POFUT3: variants seen among roughly 807,000 people sequenced by gnomAD.
The protein encoded by POFUT3 is GDP-fucose protein O-fucosyltransferase 3.
chr8:33,404,375 G>T, the POFUT3 span, among the ~76,000 whole-genome samples: 1 of 151,334 alleles, frequency 6.6e-6, no homozygotes, highest in Non-Finnish European at 1.5e-5. Flanking sequence ...GAAAATTCGG[G>T]TTCTCAGAGA....
the POFUT3 span, among the ~76,000 whole-genome samples, chr8:33,373,267 T>C: frequency 2.0e-5 from 3 of 152,374 alleles, no homozygotes; most frequent in Admixed American, 1.3e-4. Flanking sequence ...TGGGCATTTA[T>C]TTTTAATATA....
chr8:33,347,176 A>G, the POFUT3 span, among the ~76,000 whole-genome samples: 2 of 152,120 alleles, frequency 1.3e-5, no homozygotes, highest in Non-Finnish European at 2.9e-5. Context: ...AAAAACAAGC[A>G]TCTCCACCTT....
At chr8:33,420,361 G>A in the POFUT3 span, among the ~76,000 whole-genome samples, 8 of 152,114 alleles carry the variant, frequency 5.3e-5, no homozygotes, top group Non-Finnish European at 1.0e-4. Flanking sequence ...GAACAATGCT[G>A]GTGAAATGAC....
chr8:33,424,014 C>T, the POFUT3 span, among the ~76,000 whole-genome samples: 1 of 151,738 alleles, frequency 6.6e-6, no homozygotes, highest in South Asian at 2.1e-4. Flanking sequence ...TGGTACATGC[C>T]TGTAATCCCA....
chr8:33,341,605 T>C, the POFUT3 span, among the ~76,000 whole-genome samples: 1 of 151,684 alleles, frequency 6.6e-6, no homozygotes, highest in Non-Finnish European at 1.5e-5. Flanking sequence ...TAGCACTAAA[T>C]GTATACATTA....
chr8:33,434,012 C>T, the POFUT3 span, among the ~76,000 whole-genome samples: 2 of 150,978 alleles, frequency 1.3e-5, no homozygotes, highest in Non-Finnish European at 2.9e-5. Flanking sequence ...GCCTGTAATC[C>T]CAGCACTTTG....
the POFUT3 span, among the ~76,000 whole-genome samples, chr8:33,321,334 G>T: frequency 1.3e-5 from 2 of 152,132 alleles, no homozygotes; most frequent in Admixed American, 6.6e-5. Context: ...CATGGCACCA[G>T]CTAGAGCAGC....
chr8:33,373,886 A>T, the POFUT3 span, among the ~76,000 whole-genome samples: 1 of 152,226 alleles, frequency 6.6e-6, no homozygotes, highest in Non-Finnish European at 1.5e-5. Flanking sequence ...GCAACTTCAC[A>T]GTGGGAAAAC....
chr8:33,404,801 C>T, the POFUT3 span, among the ~76,000 whole-genome samples: 1 of 151,854 alleles, frequency 6.6e-6, no homozygotes, highest in East Asian at 1.9e-4. Flanking sequence ...GTTATTAAGG[C>T]GATGGAAAAC....
the POFUT3 span, among the ~76,000 whole-genome samples, chr8:33,403,197 C>T: frequency 6.6e-6 from 1 of 151,830 alleles, no homozygotes; most frequent in Admixed American, 6.6e-5. Flanking sequence ...GAATCATCAC[C>T]CGTATTCCCA....
the POFUT3 span, chr8:33,453,636 A>G: frequency 1.2e-6 from 1 of 818,720 alleles, no homozygotes; most frequent in Non-Finnish European, 2.0e-6. Flanking sequence ...TACCACAAAC[A>G]GTAATTTAAA....
the POFUT3 span, among the ~76,000 whole-genome samples, chr8:33,442,180 T>TTA: frequency 6.6e-6 from 1 of 152,096 alleles, no homozygotes; most frequent in Non-Finnish European, 1.5e-5. Context: ...TTGGCCAGGC[T>TTA]TATCTCGAAC....
At chr8:33,379,017 T>G in the POFUT3 span, among the ~76,000 whole-genome samples, 1 of 152,120 alleles carries the variant, frequency 6.6e-6, no homozygotes, top group African/African-American at 2.4e-5. Context: ...CCCATGCTGT[T>G]GTCATGATAG....
chr8:33,331,538 A>G, the POFUT3 span, among the ~76,000 whole-genome samples: 11 of 151,938 alleles, frequency 7.2e-5, no homozygotes, highest in Non-Finnish European at 1.6e-4. Flanking sequence ...AAATACAAGT[A>G]TTACCGGGGG....
the POFUT3 span, among the ~76,000 whole-genome samples, chr8:33,409,338 C>T: frequency 1.3e-5 from 2 of 152,134 alleles, no homozygotes; most frequent in Middle Eastern, 3.4e-3. Context: ...CCTGACCTCA[C>T]GTGATCCACC....
chr8:33,415,398 G>A, the POFUT3 span, among the ~76,000 whole-genome samples: 1 of 152,132 alleles, frequency 6.6e-6, no homozygotes, highest in Non-Finnish European at 1.5e-5. Context: ...CTGCTTTGGA[G>A]GAGAAGGGAG....
chr8:33,443,842 C>G, the POFUT3 span, among the ~76,000 whole-genome samples: 8 of 152,192 alleles, frequency 5.3e-5, no homozygotes, highest in African/African-American at 1.9e-4. Flanking sequence ...ACAATGTCTA[C>G]TGGCCAGGCA....
chr8:33,427,609 A>G, the POFUT3 span, among the ~76,000 whole-genome samples: 1 of 152,024 alleles, frequency 6.6e-6, no homozygotes, highest in Non-Finnish European at 1.5e-5. Flanking sequence ...AAAACAAATT[A>G]TCTTGCTATA....
chr8:33,389,654 C>T, the POFUT3 span: 2 of 1,614,184 alleles, frequency 1.2e-6, no homozygotes, highest in East Asian at 4.5e-5. Flanking sequence ...GGAATGCCTG[C>T]TGAACGTGGC....
Sources: gnomAD v4.1 joint callset for allele counts (sites outside exome capture counted in the v4.1 genomes callset) on GRCh38, gnomAD v4.1.1 for gene constraint, MANE v1.5 for transcripts, NCBI Gene and HGNC (gene_info 2026-07-23, HGNC 2026-07-21) for gene names.